Variants in QRICH1 observed in about 807,000 individuals in gnomAD.
The protein encoded by QRICH1 is glutamine rich 1.
In QRICH1, 16 loss-of-function variants were observed where a neutral mutation model predicts 87.1. The observed-to-expected ratio is 0.18, with a 90% CI of 0.12 to 0.28. QRICH1 has a LOEUF of 0.28. Ranked by LOEUF, QRICH1 falls within the 10% of genes least tolerant of loss-of-function variation. The pLI is 1.00. For synonymous variants in QRICH1, 367 were observed against 368.4 expected, an observed-to-expected ratio of 1.00 and a Z score of 0.05; for missense variants, 647 against 951.7, an observed-to-expected ratio of 0.68 and a Z score of 4.21.
chr3:49,034,696 G>A (rs926622678), intron 6 of QRICH1, among the ~76,000 whole-genome samples: 1 of 152,322 alleles, frequency 6.6e-6, no homozygotes, highest in South Asian at 2.1e-4. Context: ...TGAGCCCAGA[G>A]CTAGGTACAG....
chr3:49,069,853 T>C (rs572507762), intron 2 of QRICH1, among the ~76,000 whole-genome samples: 10 of 152,252 alleles, frequency 6.6e-5, no homozygotes, highest in African/African-American at 2.4e-4. Context: ...ATCAAGGTAA[T>C]GTGAGCTGTA....
At chr3:49,064,175 C>T (rs1479257519) in intron 2 of QRICH1, among the ~76,000 whole-genome samples, 1 of 151,750 alleles carries the variant, frequency 6.6e-6, no homozygotes, top group Non-Finnish European at 1.5e-5. Context: ...AGGTGATCCG[C>T]CTGCCTCGGC....
intron 2 of QRICH1, among the ~76,000 whole-genome samples, chr3:49,072,518 CCT>C (rs1350574983): frequency 2.7e-5 from 4 of 150,626 alleles, no homozygotes; most frequent in African/African-American, 9.8e-5. Context: ...AGAATGAGAC[CCT>C]GTCTCCATTA....
At chr3:49,089,053 CT>C (rs1173280285) in intron 1 of QRICH1, among the ~76,000 whole-genome samples, 7 of 151,530 alleles carry the variant, frequency 4.6e-5, no homozygotes, top group Non-Finnish European at 7.4e-5. Flanking sequence ...GTTCTATTTT[CT>C]TTTTTTCTTT....
In QRICH1 at chr3:49,057,717, G is replaced by C. The variant is rs757435453; in HGVS notation, c.483C>G (p.Pro161=). The C allele has an allele frequency of 3.1e-6, 5 of 1,614,210 alleles. No individual in the cohort carries two copies. Among genetic ancestry groups the C allele is most frequent in the Non-Finnish European group, 4.2e-6 (5 of 1,180,036 alleles). ...IQTPSLQSPS[P]SQLQAAQIQV... The stretch of plus-strand genomic sequence containing the variant: ...GGATCTGAGCTGCTTGCAGCTGCGA[G>C]GGACTGGGACTCTGCAGAGACGGGG... The change falls in exon 3 of 10, where the codon CCC becomes CCG. Residue 161 remains proline, a synonymous_variant. Transcript: ENST00000395443. The surrounding 1 kb of genome is among the most constrained non-coding windows in gnomAD (Gnocchi z 5.4).
intron 1 of QRICH1, among the ~76,000 whole-genome samples, chr3:49,079,419 A>G (rs1283754691): frequency 1.3e-5 from 2 of 148,394 alleles, no homozygotes; most frequent in Non-Finnish European, 3.0e-5. Flanking sequence ...AAAATAAATA[A>G]TTATAATAAA....
At chr3:49,045,386 G>C (rs1483769895) in intron 5 of QRICH1, among the ~76,000 whole-genome samples, 1 of 149,384 alleles carries the variant, frequency 6.7e-6, no homozygotes, top group Non-Finnish European at 1.5e-5. Context: ...AGAAGTTTAG[G>C]TAGTAGGATG....
intron 3 of QRICH1, among the ~76,000 whole-genome samples, chr3:49,055,955 A>T (rs2093399699): frequency 6.6e-6 from 1 of 151,970 alleles, no homozygotes; most frequent in Admixed American, 6.6e-5. Flanking sequence ...CTGGGGTAAC[A>T]TGCATGAGCC....
At chr3:49,084,576 C>T (rs956415182) in intron 1 of QRICH1, among the ~76,000 whole-genome samples, 1 of 151,906 alleles carries the variant, frequency 6.6e-6, no homozygotes, top group African/African-American at 2.4e-5. Flanking sequence ...CCAGCCTGGC[C>T]AACATGGTGA....
upstream of QRICH1, chr3:49,094,251 C>T: frequency 2.6e-6 from 1 of 380,798 alleles, no homozygotes; most frequent in East Asian, 3.7e-5. Context: ...GGACGCCTCT[C>T]CATGTGGGGC....
At chr3:49,043,495 T>TC (rs1351587755) in intron 6 of QRICH1, among the ~76,000 whole-genome samples, 3 of 8,864 alleles carry the variant, frequency 3.4e-4, no homozygotes, top group Non-Finnish European at 5.5e-4. Context: ...AAACTCTGTC[T>TC]CAAAAAAAAA....
chr3:49,069,543 ATTTTTTT>A (rs372639913), intron 2 of QRICH1, among the ~76,000 whole-genome samples: 3 of 122,796 alleles, frequency 2.4e-5, no homozygotes, highest in African/African-American at 6.2e-5. Flanking sequence ...ATGGGGGGGA[ATTTTTTT>A]TTTTTTTTTT....
intron 1 of QRICH1, among the ~76,000 whole-genome samples, chr3:49,080,067 G>A (rs180943579): frequency 1.1e-4 from 16 of 150,216 alleles, no homozygotes; most frequent in East Asian, 9.8e-4. Context: ...ATAGAGATCC[G>A]GTAACATTAG....
intron 3 of QRICH1, among the ~76,000 whole-genome samples, chr3:49,054,925 C>T (rs2093392058): frequency 6.6e-6 from 1 of 152,136 alleles, no homozygotes; most frequent in Admixed American, 6.5e-5. Context: ...ACAGTTCAAA[C>T]GTCATTTTGT....
At position 49,086,062 on chromosome 3, in the gene QRICH1, A is replaced by C. The variant is rs192408644; in HGVS notation, c.-22+7850T>G. Among the ~76,000 whole-genome samples, 64 of 151,954 alleles carry C rather than the reference A, an allele frequency of 4.2e-4. 1 individual carries two copies. The highest frequency in any genetic ancestry group is 6.8e-3 in the Middle Eastern group (2 of 294). On this transcript the variant is annotated intron_variant, in intron 1 of 9. Coordinates refer to ENST00000395443, the MANE Select transcript of QRICH1 (RefSeq NM_198880.3). ...TAATAATGAAAAAAGAAAATACTCT[A>C]ATGCTCTTGGGGTGTATGAGGTCTG...
At chr3:49,034,617 G>A (rs2093263438) in intron 6 of QRICH1, among the ~76,000 whole-genome samples, 2 of 152,050 alleles carry the variant, frequency 1.3e-5, no homozygotes, top group Admixed American at 1.3e-4. Context: ...TAGCCAATAT[G>A]CCAGTATTTG....
At chr3:49,067,295 C>T (rs572827163) in intron 2 of QRICH1, among the ~76,000 whole-genome samples, 1 of 151,730 alleles carries the variant, frequency 6.6e-6, no homozygotes, top group African/African-American at 2.4e-5. Flanking sequence ...CGGCTGGGTG[C>T]GGTGGCTCAC....
Position 49,034,180 on chromosome 3 carries a change from C to T in QRICH1, c.1787-952G>A, listed in dbSNP as rs553344552. Reference sequence around the variant, plus strand: ...AAGGAAGACCAGGCATGGTGGCTCACGCCTGTAATCCGAGAACTTTGGGAG... The same window carrying T: ...AAGGAAGACCAGGCATGGTGGCTCATGCCTGTAATCCGAGAACTTTGGGAG... On this transcript the variant is annotated intron_variant, in intron 6 of 9. Transcript: ENST00000395443. Among the ~76,000 whole-genome samples the T allele has an allele frequency of 6.6e-5, 10 of 151,416 alleles. No individual in the cohort carries two copies. In the South Asian group the frequency reaches 8.3e-4, roughly 13 times the overall value.
At chr3:49,064,036 G>T (rs941554413) in intron 2 of QRICH1, among the ~76,000 whole-genome samples, 10 of 151,712 alleles carry the variant, frequency 6.6e-5, no homozygotes, top group Non-Finnish European at 1.3e-4. Flanking sequence ...CCTCCTGAGT[G>T]GCTGGGATTA....
Sources: allele counts gnomAD v4.1 joint callset (sites outside exome capture counted in the v4.1 genomes callset), GRCh38; gene constraint gnomAD v4.1.1; non-coding constraint Gnocchi (gnomAD v3.1); transcripts MANE v1.5; gene names NCBI Gene and HGNC (gene_info 2026-07-23, HGNC 2026-07-21).